The following NLRP5 variants were observed in gnomAD, a reference collection of about 807,000 sequenced individuals.
The protein encoded by NLRP5 is NLR family pyrin domain containing 5.
In NLRP5, 93 loss-of-function variants were observed where a neutral mutation model predicts 113.1. That is an observed-to-expected ratio of 0.82 (90% CI 0.70 to 0.98). The LOEUF (loss-of-function observed/expected upper bound fraction) is 0.98, where lower values mean the gene tolerates loss of function less well. NLRP5 is among the 50% of genes least tolerant of loss of function. The pLI is 0.00. For synonymous variants in NLRP5, 751 were observed against 600.7 expected (o/e 1.25, Z -3.66); for missense variants, 1,808 against 1,514.3 (o/e 1.19, Z -3.22).
At chr19:56,009,339 CAAAAAAA>C (rs71296979) in intron 3 of NLRP5, among the ~76,000 whole-genome samples, 1 of 44,304 alleles carries the variant, frequency 2.3e-5, no homozygotes, top group Non-Finnish European at 3.9e-5. Context: ...GACTCCATCT[CAAAAAAA>C]AAAAAAAAAA....
chr19:56,042,756 T>C (rs976774473), intron 11 of NLRP5, among the ~76,000 whole-genome samples: 3 of 152,212 alleles, frequency 2.0e-5, no homozygotes, highest in African/African-American at 7.2e-5. Context: ...CTCCCTCCCA[T>C]TCTTCCCCCA....
At chr19:56,005,252 TA>T (rs1981830011) in intron 2 of NLRP5, among the ~76,000 whole-genome samples, 1 of 124,890 alleles carries the variant, frequency 8.0e-6, no homozygotes, top group African/African-American at 3.0e-5. Flanking sequence ...CACACATATA[TA>T]TTTATATATA....
chr19:56,024,405 C>G (rs1342968704), intron 6 of NLRP5, among the ~76,000 whole-genome samples: 2 of 118,644 alleles, frequency 1.7e-5, no homozygotes, highest in South Asian at 5.6e-4. Flanking sequence ...CATATATGTA[C>G]ATATATGTAT....
chr19:55,995,978 T>C (rs1185934647), upstream of NLRP5, among the ~76,000 whole-genome samples: 1 of 152,192 alleles, frequency 6.6e-6, no homozygotes, highest in African/African-American at 2.4e-5. Context: ...TATCCAAAAA[T>C]CAACATTTTT....
chr19:55,998,702 A>G (rs592141), upstream of NLRP5, among the ~76,000 whole-genome samples: 1,360 of 73,382 alleles, frequency 0.019, 91 homozygotes, highest in East Asian at 0.16. Context: ...ATATATATAT[A>G]TGTGTGTGTG....
chr19:56,046,423 T>TG (rs71184304), intron 11 of NLRP5, among the ~76,000 whole-genome samples: 34 of 151,816 alleles, frequency 2.2e-4, no homozygotes, highest in South Asian at 4.2e-4. Context: ...TGTGTGTGTG[T>TG]TTCTGTTACG....
chr19:56,028,422 G>C lies in NLRP5; in HGVS notation c.2189G>C (p.Cys730Ser), dbSNP rs367652942. 1.2e-6 allele frequency: 2 copies of C among 1,613,914 alleles called. No homozygotes were observed. The highest frequency in any genetic ancestry group is 8.5e-7 in the Non-Finnish European group (1 of 1,179,880). The stretch of plus-strand genomic sequence containing the variant: ...GCATCTTCCTTCTGCCTCCAGCACT[G>C]TCCGTATTTGCGGAAAATTCGGGTG... The change falls in exon 7 of 15, where the codon TGT becomes TCT. Residue 730 changes from cysteine (C) to serine (S), a missense_variant. Cys to Ser is a moderately radical substitution (Grantham distance 112). Coordinates refer to ENST00000390649, the MANE Select transcript of NLRP5 (RefSeq NM_153447.4).
chr19:56,021,713 G>A (rs942332583), intron 6 of NLRP5, among the ~76,000 whole-genome samples: 6 of 152,156 alleles, frequency 3.9e-5, no homozygotes, highest in African/African-American at 1.4e-4. Flanking sequence ...TTCATCTGTT[G>A]TTCAGTTCAT....
At chr19:56,026,547 A>AAAAAAAAAAAAAC in intron 6 of NLRP5, among the ~76,000 whole-genome samples, 1 of 150,168 alleles carries the variant, frequency 6.7e-6, no homozygotes, top group Non-Finnish European at 1.5e-5. Context: ...AAAAAAAAAA[A>AAAAAAAAAAAAAC]AATAGACTGG....
chr19:56,026,520 T>C (rs1599891262), intron 6 of NLRP5, among the ~76,000 whole-genome samples: 2 of 53,890 alleles, frequency 3.7e-5, no homozygotes, highest in Admixed American at 2.7e-4. Context: ...AGAGCAAGAC[T>C]CCATCTCAAA....
In NLRP5 at chr19:56,058,228, C is replaced by A. The variant is rs112496284; in HGVS notation, c.3300-12C>A. ...TCTTTGGGGTTATTTTCTGGGTGTCCTGACCCTGCAGGTTGAAGGCATGTG... is the reference window on the plus strand; with the variant it reads ...TCTTTGGGGTTATTTTCTGGGTGTCATGACCCTGCAGGTTGAAGGCATGTG... On this transcript the variant is annotated splice_polypyrimidine_tract_variant and intron_variant, in intron 13 of 14. Transcript: ENST00000390649. 1 of 1,608,760 alleles carries A rather than the reference C, an allele frequency of 6.2e-7. No individual in the cohort carries two copies.
chr19:56,051,987 C>T (rs1410713145), intron 12 of NLRP5, among the ~76,000 whole-genome samples: 1 of 152,130 alleles, frequency 6.6e-6, no homozygotes, highest in Non-Finnish European at 1.5e-5. Flanking sequence ...TTGTTTCAAG[C>T]CCTACTTCTG....
intron 3 of NLRP5, among the ~76,000 whole-genome samples, chr19:56,010,101 C>T (rs1982123389): frequency 6.6e-6 from 1 of 152,154 alleles, no homozygotes; most frequent in Non-Finnish European, 1.5e-5. Flanking sequence ...GGGGGTCTTG[C>T]CATCAGCCAC....
At chr19:56,055,832 ACCGCG>A (rs1262118876) in intron 13 of NLRP5, among the ~76,000 whole-genome samples, 1 of 152,066 alleles carries the variant, frequency 6.6e-6, no homozygotes. Flanking sequence ...GGCATAAGCC[ACCGCG>A]CCTGGCCTGT....
chr19:56,047,041 T>A (rs1195288818), intron 11 of NLRP5, among the ~76,000 whole-genome samples: 1 of 123,978 alleles, frequency 8.1e-6, no homozygotes, highest in Non-Finnish European at 1.7e-5. Context: ...CATAAAGGTG[T>A]TCCTTATAGC....
chr19:56,026,066 C>T (rs558048205), intron 6 of NLRP5, among the ~76,000 whole-genome samples: 4 of 152,118 alleles, frequency 2.6e-5, no homozygotes, highest in African/African-American at 9.6e-5. Flanking sequence ...GGAAGCAGAG[C>T]TATTTTGTAG....
At chr19:56,011,917 C>G (rs914152517) in intron 3 of NLRP5, among the ~76,000 whole-genome samples, 17 of 152,002 alleles carry the variant, frequency 1.1e-4, no homozygotes, top group African/African-American at 4.1e-4. Context: ...GCCTAGAATT[C>G]CTGACCTCAG....
the NLRP5 span, chr19:55,987,914 G>A: frequency 3.7e-6 from 6 of 1,604,692 alleles, no homozygotes; most frequent in Non-Finnish European, 4.3e-6. Flanking sequence ...TAATCCTTAG[G>A]CCGTCCAGTC....
At chr19:56,023,701 C>T (rs216681) in intron 6 of NLRP5, among the ~76,000 whole-genome samples, 20,973 of 151,986 alleles carry the variant, frequency 0.14, 1,814 homozygotes, top group Non-Finnish European at 0.19. Flanking sequence ...GGAGGATGTG[C>T]GTAGGTTATA....
Sources: allele counts gnomAD v4.1 joint callset (sites outside exome capture counted in the v4.1 genomes callset), GRCh38; gene constraint gnomAD v4.1.1; transcripts MANE v1.5; gene names NCBI Gene and HGNC (gene_info 2026-07-23, HGNC 2026-07-21).